RAB28: variants seen among roughly 807,000 people sequenced by gnomAD.
RAB28 encodes the protein RAB28, member RAS oncogene family, also known as ras-related protein Rab-28.
A neutral mutation model predicts 31.7 loss-of-function variants in RAB28; 24 were observed. The ratio of observed to expected loss-of-function variants is 0.76; its 90% CI spans 0.55 to 1.06. RAB28 has a LOEUF of 1.06. RAB28 is among the 50% of genes least tolerant of loss of function. The probability of loss-of-function intolerance (pLI) is 0.00; values close to 1 mark genes in which losing one functional copy is unlikely to be tolerated. For missense variants in RAB28, 254 were observed against 258.5 expected (o/e 0.98, Z 0.12); for synonymous variants, 100 against 90.4 (o/e 1.11, Z -0.60).
chr4:13,423,327 G>A (rs1236443264), intron 4 of RAB28, among the ~76,000 whole-genome samples: 1 of 152,076 alleles, frequency 6.6e-6, no homozygotes, highest in Non-Finnish European at 1.5e-5. Flanking sequence ...CCTGAGGTGA[G>A]AAGTTCGAGA....
chr4:13,368,241 G>A lies in RAB28; in HGVS notation c.*317C>T. On this transcript the variant is annotated 3_prime_UTR_variant, in exon 7 of 7. Coordinates refer to ENST00000330852, the MANE Select transcript of RAB28 (RefSeq NM_001017979.3). Reference sequence around the variant, plus strand: ...AAGACTTGGAGAGTTTTCATATTAAGTTAAAAAAATTTACATCAATGAAAA... The same window carrying A: ...AAGACTTGGAGAGTTTTCATATTAAATTAAAAAAATTTACATCAATGAAAA... The A allele has an allele frequency of 9.9e-7, 1 of 1,013,152 alleles. No individual in the cohort carries two copies. 62.8% of individuals were successfully genotyped at this position (1,013,152 alleles called of 1,614,324 possible).
At chr4:13,443,333 C>A (rs898542026) in intron 4 of RAB28, among the ~76,000 whole-genome samples, 2 of 152,110 alleles carry the variant, frequency 1.3e-5, no homozygotes, top group Admixed American at 1.3e-4. Context: ...AGCACCACAT[C>A]CAGCTAATTT....
chr4:13,482,446 A>T (rs1314255806), intron 1 of RAB28, among the ~76,000 whole-genome samples: 1 of 152,190 alleles, frequency 6.6e-6, no homozygotes, highest in African/African-American at 2.4e-5. Flanking sequence ...ATGAGTTGTC[A>T]TTATCATTTT....
chr4:13,432,470 C>A (rs1713866040), intron 4 of RAB28, among the ~76,000 whole-genome samples: 1 of 152,038 alleles, frequency 6.6e-6, no homozygotes, highest in South Asian at 2.1e-4. Flanking sequence ...AGATGACCAT[C>A]CCCAAGGCAT....
intron 4 of RAB28, among the ~76,000 whole-genome samples, chr4:13,413,743 G>A (rs1217864097): frequency 1.3e-5 from 2 of 152,224 alleles, no homozygotes; most frequent in Admixed American, 6.5e-5. Context: ...AATCCCAGAT[G>A]AGGAAGGGAT....
At chr4:13,450,673 C>A (rs1714922874) in intron 4 of RAB28, among the ~76,000 whole-genome samples, 1 of 151,728 alleles carries the variant, frequency 6.6e-6, no homozygotes, top group Non-Finnish European at 1.5e-5. Flanking sequence ...TAAGAATATG[C>A]AGATAACTGA....
Position 13,482,693 on chromosome 4 carries a change from TC to T in RAB28, c.75+1382del, listed in dbSNP as rs372923339. Among the ~76,000 whole-genome samples, 88 of 152,356 alleles carry T rather than the reference TC, an allele frequency of 5.8e-4. No homozygotes were observed. The South Asian group carries it at 0.014, about 24-fold the overall frequency. ...AAAGAAAAGTTACCCCAAGTTCCTT[TC>T]TTCCCCCAACGTTTAAAGGTAATCA... On this transcript the variant is annotated intron_variant, in intron 1 of 6. Transcript: ENST00000330852.
intron 4 of RAB28, among the ~76,000 whole-genome samples, chr4:13,411,214 A>T (rs1028184678): frequency 1.3e-5 from 2 of 152,180 alleles, no homozygotes; most frequent in African/African-American, 4.8e-5. Flanking sequence ...GATTCTGAAC[A>T]AAAAAACAGC....
In RAB28 at chr4:13,368,534, T is replaced by G. The variant is rs751638453; in HGVS notation, c.*24A>C. On this transcript the variant is annotated 3_prime_UTR_variant, in exon 7 of 7. Transcript: ENST00000330852. ...CCCAGAGGTGAAGGGCAGCCAGAAC[T>G]ATCAACACAAAAGAAAAATGCGCTC... is the stretch of plus-strand genomic sequence containing the variant. The G allele has an allele frequency of 1.2e-4, 192 of 1,598,498 alleles. No individual in the cohort carries two copies. Among genetic ancestry groups the G allele is most frequent in the Non-Finnish European group, 1.5e-4 (176 of 1,173,724 alleles).
intron 4 of RAB28, among the ~76,000 whole-genome samples, chr4:13,445,411 A>G (rs937077789): frequency 1.5e-4 from 23 of 151,982 alleles, no homozygotes; most frequent in African/African-American, 5.1e-4. Flanking sequence ...GCCCTGGAGA[A>G]GTGTTGCGAT....
At chr4:13,390,623 C>T (rs146542917) in intron 4 of RAB28, among the ~76,000 whole-genome samples, 39 of 150,492 alleles carry the variant, frequency 2.6e-4, no homozygotes, top group African/African-American at 8.3e-4. Flanking sequence ...AAGAACAAAC[C>T]TGGAGGCATC....
chr4:13,403,093 A>T (rs7673732), intron 4 of RAB28, among the ~76,000 whole-genome samples: 52 of 151,914 alleles, frequency 3.4e-4, no homozygotes, highest in African/African-American at 1.2e-3. Context: ...GTGCGCCCGG[A>T]CCCTGGCTCA....
chr4:13,449,873 T>C (rs892198621), intron 4 of RAB28, among the ~76,000 whole-genome samples: 5 of 151,816 alleles, frequency 3.3e-5, no homozygotes, highest in African/African-American at 1.2e-4. Context: ...GTAACCCCTG[T>C]TAATTCTGTT....
intron 4 of RAB28, among the ~76,000 whole-genome samples, chr4:13,410,138 G>A (rs1712347114): frequency 1.3e-5 from 2 of 152,102 alleles, no homozygotes; most frequent in Non-Finnish European, 2.9e-5. Context: ...CCCCAGCCAT[G>A]TTTCCTGTAC....
At chr4:13,417,959 A>G (rs1712894128) in intron 4 of RAB28, among the ~76,000 whole-genome samples, 4 of 152,226 alleles carry the variant, frequency 2.6e-5, no homozygotes, top group Admixed American at 2.6e-4. Flanking sequence ...CTCTGAGCTA[A>G]AGGAGGATGT....
intron 4 of RAB28, among the ~76,000 whole-genome samples, chr4:13,383,525 T>C (rs1729224236): frequency 2.6e-5 from 4 of 152,178 alleles, no homozygotes. Context: ...ATCTATTATA[T>C]GCCAGGTATT....
rs1713831200 is a variant in RAB28 at position 13,431,973 on chromosome 4, A to C, written c.391+28726T>G. Among the ~76,000 whole-genome samples, 3 of 152,294 alleles carry C rather than the reference A, an allele frequency of 2.0e-5. No individual in the cohort carries two copies. The South Asian group carries it at 6.2e-4, about 32-fold the overall frequency. The stretch of plus-strand genomic sequence containing the variant: ...TTGAAATGTCTCAAATAACAGATGA[A>C]AAATTCAAACTATGGATTGCAAGGA... On this transcript the variant is annotated intron_variant, in intron 4 of 6. Coordinates refer to ENST00000330852, the MANE Select transcript of RAB28 (RefSeq NM_001017979.3).
chr4:13,446,254 T>C (rs1435734958), intron 4 of RAB28, among the ~76,000 whole-genome samples: 2 of 152,212 alleles, frequency 1.3e-5, no homozygotes, highest in African/African-American at 4.8e-5. Flanking sequence ...TCCAGACTGC[T>C]GTGCTGGCAG....
At chr4:13,399,834 G>C (rs375855286) in intron 4 of RAB28, among the ~76,000 whole-genome samples, 2 of 152,058 alleles carry the variant, frequency 1.3e-5, no homozygotes, top group South Asian at 2.1e-4. Flanking sequence ...CTCCCAGTTT[G>C]TGGCTTGTCT....
Sources: allele counts gnomAD v4.1 joint callset (sites outside exome capture counted in the v4.1 genomes callset), GRCh38; gene constraint gnomAD v4.1.1; transcripts MANE v1.5; gene names NCBI Gene and HGNC (gene_info 2026-07-23, HGNC 2026-07-21).